ROCK1: variants seen among roughly 807,000 people sequenced by gnomAD.
ROCK1 encodes the protein rho-associated protein kinase 1.
In ROCK1, 36 loss-of-function variants were observed where a neutral mutation model predicts 196.8. The observed-to-expected ratio is 0.18, with a 90% CI of 0.14 to 0.24. ROCK1 has a LOEUF of 0.24. ROCK1 is among the 10% of genes least tolerant of loss of function. The pLI, the probability that ROCK1 is intolerant of heterozygous loss-of-function variation, is 1.00. For missense variants in ROCK1, 920 were observed against 1,562.0 expected (o/e 0.59, Z 6.93); for synonymous variants, 443 against 515.9 (o/e 0.86, Z 1.91).
Position 21,110,802 on chromosome 18 carries a change from G to C in ROCK1, c.93+16C>G, listed in dbSNP as rs762871200. The C allele has an allele frequency of 1.2e-6, 2 of 1,605,282 alleles. No homozygotes were observed. The highest frequency in any genetic ancestry group is 1.7e-6 in the Non-Finnish European group (2 of 1,171,992). ...TGCAAAACCCCAGACAAGCAAAAGA[G>C]AACAGCGCTACTCACCAGCAAACAA... On this transcript the variant is annotated intron_variant, in intron 1 of 32. Coordinates refer to ENST00000399799, the MANE Select transcript of ROCK1 (RefSeq NM_005406.3).
intron 12 of ROCK1, 58 bp downstream of exon 12, chr18:21,020,093 C>T: frequency 9.9e-7 from 1 of 1,010,284 alleles, no homozygotes; most frequent in Admixed American, 2.1e-5. Context: ...TATAAGCTTT[C>T]AAGTAAGTAT....
At chr18:21,041,224 G>C (rs2036102532) in intron 8 of ROCK1, among the ~76,000 whole-genome samples, 1 of 147,242 alleles carries the variant, frequency 6.8e-6, no homozygotes, top group Non-Finnish European at 1.5e-5. Context: ...TTGATCCCAG[G>C]AGTTTGAAAC....
chr18:20,969,507 G>A lies in ROCK1; in HGVS notation c.2821-299C>T, dbSNP rs147588177. ...AATTTGTATTTAGTTCTAGCTCTGCGATTAACCTAGTATGTGACCCCGAGC... is the reference window on the plus strand; with the variant it reads ...AATTTGTATTTAGTTCTAGCTCTGCAATTAACCTAGTATGTGACCCCGAGC... On this transcript the variant is annotated intron_variant, in intron 23 of 32. Coordinates refer to ENST00000399799, the MANE Select transcript of ROCK1 (RefSeq NM_005406.3). Among the ~76,000 whole-genome samples, 31 of 152,204 alleles carry A rather than the reference G, an allele frequency of 2.0e-4. No homozygotes were observed. In the East Asian group the frequency reaches 2.7e-3, roughly 13 times the overall value.
At chr18:21,035,245 A>G (rs1340951153) in intron 9 of ROCK1, among the ~76,000 whole-genome samples, 1 of 152,246 alleles carries the variant, frequency 6.6e-6, no homozygotes, top group Non-Finnish European at 1.5e-5. Flanking sequence ...CGTTTCCTCA[A>G]AAAAATTAAA....
At chr18:21,031,917 T>C (rs1233587166) in intron 9 of ROCK1, among the ~76,000 whole-genome samples, 1 of 151,556 alleles carries the variant, frequency 6.6e-6, no homozygotes, top group Non-Finnish European at 1.5e-5. Flanking sequence ...ATAGGACAAA[T>C]GAAATTATCA....
At chr18:20,977,782 A>T (rs539368264) in intron 22 of ROCK1, among the ~76,000 whole-genome samples, 3 of 152,178 alleles carry the variant, frequency 2.0e-5, no homozygotes, top group Non-Finnish European at 2.9e-5. Context: ...TTCTGCCTAA[A>T]CTGTCCCCTT....
chr18:20,975,537 T>A (rs2035472097), intron 22 of ROCK1, among the ~76,000 whole-genome samples: 1 of 152,236 alleles, frequency 6.6e-6, no homozygotes, highest in African/African-American at 2.4e-5. Flanking sequence ...TCAATATAAA[T>A]AAATGGACAA....
At chr18:21,027,237 C>T (rs1457439515) in intron 10 of ROCK1, among the ~76,000 whole-genome samples, 1 of 152,114 alleles carries the variant, frequency 6.6e-6, no homozygotes, top group African/African-American at 2.4e-5. Context: ...CCGTGCCTGG[C>T]CGAGATTTCT....
intron 32 of ROCK1, among the ~76,000 whole-genome samples, chr18:20,952,743 A>G (rs1200683786): frequency 1.3e-5 from 2 of 151,618 alleles, no homozygotes; most frequent in African/African-American, 2.4e-5. Context: ...CCACCACTGC[A>G]CTCCAGCCTG....
At chr18:20,999,965 A>G (rs1055594037) in intron 16 of ROCK1, among the ~76,000 whole-genome samples, 2 of 152,230 alleles carry the variant, frequency 1.3e-5, no homozygotes, top group Non-Finnish European at 2.9e-5. Flanking sequence ...TACTACACAA[A>G]GTAATCTACA....
chr18:20,971,829 T>C (rs1290255581), intron 22 of ROCK1, among the ~76,000 whole-genome samples: 2 of 151,488 alleles, frequency 1.3e-5, no homozygotes, highest in Admixed American at 6.6e-5. Context: ...CAGAGAATAA[T>C]ACAAGATAAA....
intron 22 of ROCK1, 147 bp from the exon 23 acceptor site, chr18:20,970,660 C>A: frequency 1.7e-6 from 1 of 584,264 alleles, no homozygotes; most frequent in African/African-American, 1.8e-5. Context: ...TGCAAACTTT[C>A]TATAAAAGTA....
chr18:20,954,745 A>G (rs529875963), intron 31 of ROCK1, 38 bp downstream of exon 31: 58 of 1,542,892 alleles, frequency 3.8e-5, no homozygotes, highest in Non-Finnish European at 5.0e-5. Flanking sequence ...TTAAAATTAA[A>G]TTTGTTATAA....
intron 32 of ROCK1, chr18:20,953,286 C>A: frequency 4.1e-6 from 1 of 244,196 alleles, no homozygotes; most frequent in South Asian, 9.5e-5. Context: ...TGAATTTCTG[C>A]ATTAAAAAAA....
At chr18:21,057,041 A>G (rs1309588097) in intron 2 of ROCK1, among the ~76,000 whole-genome samples, 4 of 152,230 alleles carry the variant, frequency 2.6e-5, no homozygotes, top group Non-Finnish European at 4.4e-5. Flanking sequence ...AAACTGTTGT[A>G]TCTTTTCCTA....
chr18:21,105,871 G>A (rs893768663), intron 1 of ROCK1, among the ~76,000 whole-genome samples: 4 of 152,108 alleles, frequency 2.6e-5, no homozygotes, highest in Non-Finnish European at 5.9e-5. Context: ...TTCTTCAAGA[G>A]AGTGAAGACA....
chr18:20,995,005 A>G (rs2035658513), intron 16 of ROCK1, among the ~76,000 whole-genome samples: 1 of 152,162 alleles, frequency 6.6e-6, no homozygotes, highest in African/African-American at 2.4e-5. Flanking sequence ...CCACACTAAC[A>G]ATAAAGAAAA....
At chr18:21,020,586 TTATC>T (rs1486415275) in intron 11 of ROCK1, among the ~76,000 whole-genome samples, 2 of 152,106 alleles carry the variant, frequency 1.3e-5, no homozygotes, top group Non-Finnish European at 2.9e-5. Flanking sequence ...AATAAAAAAA[TTATC>T]TACGGAGTGT....
At chr18:21,106,047 T>C (rs1430613528) in intron 1 of ROCK1, among the ~76,000 whole-genome samples, 1 of 152,084 alleles carries the variant, frequency 6.6e-6, no homozygotes, top group Non-Finnish European at 1.5e-5. Context: ...TCTGAAAAAC[T>C]CCCTAATAAG....
Sources: gnomAD v4.1 joint callset for allele counts (sites outside exome capture counted in the v4.1 genomes callset) on GRCh38, gnomAD v4.1.1 for gene constraint, MANE v1.5 for transcripts, NCBI Gene and HGNC (gene_info 2026-07-23, HGNC 2026-07-21) for gene names.